The following C1QTNF7 variants were observed in gnomAD, a reference collection of about 807,000 sequenced individuals.
C1QTNF7 encodes the protein C1q and TNF related 7.
Under a neutral mutation model 19.6 loss-of-function variants are expected in C1QTNF7, and 15 were observed. The observed-to-expected ratio is 0.76, with a 90% CI of 0.51 to 1.18. The LOEUF is 1.18. Ranked by LOEUF, C1QTNF7 falls within the 50% of genes most tolerant of loss-of-function variation. C1QTNF7 has a pLI of 0.00. For missense variants in C1QTNF7, 324 were observed against 359.7 expected (o/e 0.90, Z 0.80); for synonymous variants, 142 against 137.5 (o/e 1.03, Z -0.23).
At chr4:15,417,447 C>T (rs550683163) in intron 1 of C1QTNF7, among the ~76,000 whole-genome samples, 2 of 152,308 alleles carry the variant, frequency 1.3e-5, no homozygotes, top group African/African-American at 4.8e-5. Flanking sequence ...TCTTGCATTG[C>T]TATAAAGAGA....
At chr4:15,405,156 A>T (rs945145384) in intron 1 of C1QTNF7, among the ~76,000 whole-genome samples, 10 of 152,336 alleles carry the variant, frequency 6.6e-5, no homozygotes, top group Admixed American at 1.3e-4. Flanking sequence ...TCAGCTGCTC[A>T]TTAAAGACAT....
chr4:15,352,400 G>A (rs750307535), intron 1 of C1QTNF7, among the ~76,000 whole-genome samples: 46 of 152,176 alleles, frequency 3.0e-4, no homozygotes, highest in South Asian at 1.2e-3. Context: ...CAAGGCCCAC[G>A]GTCTTTTCAC....
Position 15,368,295 on chromosome 4 carries a change from A to AT in C1QTNF7, c.13+28095dup, listed in dbSNP as rs576005830. Among the ~76,000 whole-genome samples the AT allele has an allele frequency of 1.0e-3, 158 of 151,906 alleles. 1 individual carries two copies. The highest frequency in any genetic ancestry group is 3.7e-3 in the African/African-American group (153 of 41,406). ...TTTTTCTTTTTATTTTATTTTAACC[A>AT]TTTTTTTAATTATACTTTAAGTTCT... On this transcript the variant is annotated intron_variant, in intron 1 of 2. Transcript: ENST00000295297.
At chr4:15,393,824 G>A (rs1718677833) in intron 1 of C1QTNF7, among the ~76,000 whole-genome samples, 1 of 152,216 alleles carries the variant, frequency 6.6e-6, no homozygotes, top group Admixed American at 6.5e-5. Context: ...CCTACTATGT[G>A]CTGGGCCCTT....
At chr4:15,396,631 A>T (rs1211399516) in intron 1 of C1QTNF7, among the ~76,000 whole-genome samples, 2 of 150,706 alleles carry the variant, frequency 1.3e-5, no homozygotes, top group African/African-American at 5.0e-5. Flanking sequence ...TAATAAAGCT[A>T]AAAAAAAGGT....
chr4:15,428,525 G>A (rs1015152826), intron 1 of C1QTNF7, among the ~76,000 whole-genome samples: 1 of 152,034 alleles, frequency 6.6e-6, no homozygotes, highest in African/African-American at 2.4e-5. Context: ...CTGTCCTAGA[G>A]TTTGCATTTT....
chr4:15,445,952 A>G lies in C1QTNF7; in HGVS notation c.*3153A>G, dbSNP rs886921315. The G allele has an allele frequency of 6.6e-6, 1 of 152,200 alleles. No individual in the cohort carries two copies. 9.4% of individuals were successfully genotyped at this position (152,200 alleles called of 1,614,324 possible). On this transcript the variant is annotated 3_prime_UTR_variant, in exon 3 of 3. Coordinates refer to ENST00000444304, the MANE Select transcript of C1QTNF7 (RefSeq NM_031911.5). ...AAAAGAAAATAATGAGGCTAATATAATGCTGTGTGTACATGAACATGAATG... is the reference window on the plus strand; with the variant it reads ...AAAAGAAAATAATGAGGCTAATATAGTGCTGTGTGTACATGAACATGAATG...
At chr4:15,361,169 G>C (rs1717329869) in intron 1 of C1QTNF7, 1 of 151,960 alleles carries the variant, frequency 6.6e-6, no homozygotes, top group South Asian at 2.1e-4. Context: ...TTACCTCTTG[G>C]GTTTCATCTT....
intron 2 of C1QTNF7, among the ~76,000 whole-genome samples, chr4:15,436,689 G>A (rs991544012): frequency 5.3e-5 from 8 of 152,152 alleles, no homozygotes; most frequent in African/African-American, 1.7e-4. Context: ...AAGTTGGTCC[G>A]GGAAGCTTGC....
chr4:15,382,682 A>G (rs193198539), intron 1 of C1QTNF7, among the ~76,000 whole-genome samples: 131 of 152,296 alleles, frequency 8.6e-4, no homozygotes, highest in African/African-American at 2.8e-3. Context: ...ATTGTTACAC[A>G]TGATGAATCC....
At position 15,410,875 on chromosome 4, in the gene C1QTNF7, G is replaced by A. The variant is rs138972391; in HGVS notation, c.14-24861G>A. On this transcript the variant is annotated intron_variant, in intron 1 of 2. Transcript: ENST00000295297. ...CAGAGACATACAGAATTGCAACAAG[G>A]TCAAAGGGCACCACTTTATTTGGCT... Among the ~76,000 whole-genome samples, 1,293 of 152,280 alleles carry A rather than the reference G, an allele frequency of 8.5e-3. 15 individuals carry two copies. Among genetic ancestry groups the A allele is most frequent in the African/African-American group, 0.029 (1,222 of 41,548 alleles).
At chr4:15,370,402 A>T (rs934576984) in intron 1 of C1QTNF7, among the ~76,000 whole-genome samples, 4 of 152,186 alleles carry the variant, frequency 2.6e-5, no homozygotes, top group Admixed American at 1.3e-4. Flanking sequence ...ACCAAAGAAT[A>T]ATGTTCTCTA....
chr4:15,384,582 G>T (rs148093303), intron 1 of C1QTNF7, among the ~76,000 whole-genome samples: 2 of 152,246 alleles, frequency 1.3e-5, no homozygotes, highest in African/African-American at 4.8e-5. Flanking sequence ...AGAGGTGTGT[G>T]CAGGAAGAAA....
At chr4:15,391,126 G>A (rs895385737) in intron 1 of C1QTNF7, among the ~76,000 whole-genome samples, 5 of 151,728 alleles carry the variant, frequency 3.3e-5, no homozygotes, top group Admixed American at 1.3e-4. Context: ...CTAAGCATAC[G>A]GTCTGAACTC....
chr4:15,369,551 T>C (rs575541858), intron 1 of C1QTNF7, among the ~76,000 whole-genome samples: 2 of 152,352 alleles, frequency 1.3e-5, no homozygotes, highest in African/African-American at 4.8e-5. Context: ...CCTTATCATA[T>C]ATAAATTATT....
chr4:15,375,397 A>G (rs1174278651), intron 1 of C1QTNF7, among the ~76,000 whole-genome samples: 4 of 152,234 alleles, frequency 2.6e-5, no homozygotes, highest in Admixed American at 2.0e-4. Context: ...TCATTGCAAT[A>G]TGGAAGCAGA....
chr4:15,341,154 A>G (rs10033543), intron 1 of C1QTNF7, among the ~76,000 whole-genome samples: 1 of 152,200 alleles, frequency 6.6e-6, no homozygotes, highest in Non-Finnish European at 1.5e-5. Context: ...CACGCACACA[A>G]GCGTGCTCAC....
intron 1 of C1QTNF7, among the ~76,000 whole-genome samples, chr4:15,415,795 A>G (rs534942094): frequency 4.9e-4 from 74 of 152,182 alleles, no homozygotes; most frequent in Non-Finnish European, 9.0e-4. Context: ...CAAACCAGAG[A>G]CACTATTTGG....
rs192233090 is a variant in C1QTNF7 at position 15,381,782 on chromosome 4, A to C, written c.13+41575A>C. ...ATTCAGCAAGTGCATAATGGAACGC[A>C]ACTTCATGGAACCCAACTCAGACAG... is the stretch of plus-strand genomic sequence containing the variant. On this transcript the variant is annotated intron_variant, in intron 1 of 2. Transcript: ENST00000295297. 2.6e-5 allele frequency: 4 copies of C among 152,318 alleles called. No individual in the cohort carries two copies. The East Asian group carries it at 7.7e-4, about 29-fold the overall frequency. The allele number at this position is 152,318 out of a possible 1,614,324, so 9.4% of individuals were successfully genotyped here.
Sources: allele counts gnomAD v4.1 joint callset (sites outside exome capture counted in the v4.1 genomes callset), GRCh38; gene constraint gnomAD v4.1.1; transcripts MANE v1.5; gene names NCBI Gene and HGNC (gene_info 2026-07-23, HGNC 2026-07-21).